CHST13: variants seen among roughly 807,000 people sequenced by gnomAD.
The protein encoded by CHST13 is carbohydrate sulfotransferase 13.
CHST13 carries 1 observed loss-of-function variant against 7.0 expected under a neutral mutation model. That is an observed-to-expected ratio of 0.14 (90% CI 0.05 to 0.68). CHST13 has a LOEUF of 0.68. CHST13 is among the 30% of genes least tolerant of loss of function. CHST13 has a pLI of 0.82. For missense variants in CHST13, 572 were observed against 507.9 expected (o/e 1.13, Z -1.21); for synonymous variants, 257 against 240.9 (o/e 1.07, Z -0.62).
At chr3:126,528,663 G>A (rs924186133) in intron 1 of CHST13, among the ~76,000 whole-genome samples, 17 of 152,180 alleles carry the variant, frequency 1.1e-4, no homozygotes, top group African/African-American at 4.1e-4. Context: ...GGAGGGTTCT[G>A]GAGGCACAGC....
At chr3:126,527,916 T>A (rs1055820586) in intron 1 of CHST13, 1 of 152,078 alleles carries the variant, frequency 6.6e-6, no homozygotes, top group East Asian at 1.9e-4. Context: ...GGAAGTTACT[T>A]GCTCAAGTCA....
intron 1 of CHST13, chr3:126,529,419 C>T (rs746059263): frequency 4.7e-5 from 61 of 1,287,076 alleles, no homozygotes; most frequent in Non-Finnish European, 6.1e-5. Flanking sequence ...AGGGGGCACC[C>T]AGAGGCAGGG....
chr3:126,536,186 A>G (rs1249989749), intron 1 of CHST13, 85 bp from the exon 2 acceptor site: 1 of 1,127,436 alleles, frequency 8.9e-7, no homozygotes, highest in Admixed American at 1.8e-5. Flanking sequence ...GGTGGGTCAA[A>G]TGTGCCTAGA....
intron 1 of CHST13, chr3:126,529,305 C>A: frequency 8.5e-6 from 11 of 1,288,996 alleles, no homozygotes; most frequent in Non-Finnish European, 1.1e-5. Flanking sequence ...TGGCCTTGAG[C>A]AGCTCTCTCT....
chr3:126,541,613 T>G (rs1194175838), intron 2 of CHST13, 120 bp from the exon 3 acceptor site: 1 of 940,002 alleles, frequency 1.1e-6, no homozygotes, highest in East Asian at 3.2e-5. Flanking sequence ...GGTTCGAATT[T>G]GGGTGCCCGG....
chr3:126,528,793 C>T (rs1936587001), intron 1 of CHST13, among the ~76,000 whole-genome samples: 2 of 152,158 alleles, frequency 1.3e-5, no homozygotes, highest in South Asian at 4.1e-4. Context: ...GTTCTCTCCC[C>T]TAAACAGAAT....
At position 126,542,721 on chromosome 3, in the gene CHST13, C is replaced by G. The variant is rs1277062517; in HGVS notation, c.*143C>G. On this transcript the variant is annotated 3_prime_UTR_variant, in exon 3 of 3. Coordinates refer to ENST00000319340, the MANE Select transcript of CHST13 (RefSeq NM_152889.3). ...GGCCGCCGGGCCAGCGGGCGCAGGG[C>G]ACACCTGGCCAGGCTTGGGGGCAGC... 8.0e-7 allele frequency: 1 copy of G among 1,250,040 alleles called. No individual in the cohort carries two copies. Among genetic ancestry groups the G allele is most frequent in the Non-Finnish European group, 1.0e-6 (1 of 970,506 alleles). The allele number at this position is 1,250,040 out of a possible 1,614,324, so 77.4% of individuals were successfully genotyped here.
rs137999322 is a variant in CHST13, at chr3:126,528,368, A to G, written c.97+3939A>G. On this transcript the variant is annotated intron_variant, in intron 1 of 2. Coordinates refer to ENST00000319340, the MANE Select transcript of CHST13 (RefSeq NM_152889.3). ...CTTCCATGTAGATCTGACCTTCCAG[A>G]GTGATCAACCTACACAGAACTCAAA... 3.7e-4 allele frequency among the ~76,000 whole-genome samples: 57 copies of G among 152,188 alleles called. No homozygotes were observed. In the East Asian group the frequency reaches 6.8e-3, roughly 18 times the overall value.
intron 2 of CHST13, among the ~76,000 whole-genome samples, chr3:126,538,297 T>C (rs961522915): frequency 1.3e-5 from 2 of 152,202 alleles, no homozygotes; most frequent in African/African-American, 2.4e-5. Context: ...CTCCTGACTA[T>C]AAGAGGACTG....
At chr3:126,529,881 G>A (rs1936615367) in intron 1 of CHST13, among the ~76,000 whole-genome samples, 1 of 152,234 alleles carries the variant, frequency 6.6e-6, no homozygotes, top group African/African-American at 2.4e-5. Context: ...GCCCTCCTGG[G>A]CTACACTGCC....
chr3:126,539,863 C>T, intron 2 of CHST13, among the ~76,000 whole-genome samples: 1 of 8,464 alleles, frequency 1.2e-4, no homozygotes, highest in East Asian at 3.6e-3. Context: ...ACACACACCC[C>T]ACACCACACA....
chr3:126,535,419 G>GCT (rs1936763476), intron 1 of CHST13, among the ~76,000 whole-genome samples: 1 of 140,960 alleles, frequency 7.1e-6, no homozygotes, highest in African/African-American at 2.8e-5. Context: ...GTCCTCAACC[G>GCT]GGAGACAGAC....
At position 126,542,312 on chromosome 3, in the gene CHST13, T is replaced by A; in HGVS notation, c.760T>A (p.Cys254Ser). 6.4e-7 allele frequency: 1 copy of A among 1,568,618 alleles called. No individual in the cohort carries two copies. Among genetic ancestry groups the A allele is most frequent in the Non-Finnish European group, 8.6e-7 (1 of 1,160,842 alleles). Reference sequence around the variant, plus strand: ...GCACTGGGAGCGCGCGCACGCGCTCTGCCACCCGTGTCGCCTCCGCTACGA... The same window carrying A: ...GCACTGGGAGCGCGCGCACGCGCTCAGCCACCCGTGTCGCCTCCGCTACGA... ...NEHWERAHAL[C>S]HPCRLRYDVV... Residue 254 changes from cysteine (C) to serine (S), a missense_variant, in exon 3 of 3, where the codon TGC (cysteine) becomes AGC (serine). Physicochemically the swap from Cys to Ser is moderately radical, Grantham distance 112. Coordinates refer to ENST00000319340, the MANE Select transcript of CHST13 (RefSeq NM_152889.3).
rs1576238008 is a variant in CHST13, at chr3:126,541,850, C to G, written c.298C>G (p.Leu100Val). ...LLQPEDLRHV[L>V]VDDAHGLLYC... ...ACAGCCGGAGGACCTGCGGCACGTGCTGGTGGACGACGCGCATGGCCTGCT... is the reference window on the plus strand; with the variant it reads ...ACAGCCGGAGGACCTGCGGCACGTGGTGGTGGACGACGCGCATGGCCTGCT... Residue 100 changes from leucine to valine, a missense_variant, in exon 3 of 3, where the codon CTG (leucine) becomes GTG (valine). Coordinates refer to ENST00000319340, the MANE Select transcript of CHST13 (RefSeq NM_152889.3). The G allele has an allele frequency of 1.3e-6, 2 of 1,584,994 alleles. No homozygotes were observed. The highest frequency in any genetic ancestry group is 2.3e-5 in the East Asian group (1 of 43,014).
At position 126,542,414 on chromosome 3, in the gene CHST13, TTCCCTGGGCCGCCGCG is replaced by T. The variant is rs1252072380; in HGVS notation, c.863_878del (p.Phe288CysfsTer132). ...CCTGGCGGGCGCATCCGACCTGAGC[TTCCCTGGGCCGCCGCG>T]GCCCCGGGGAGCCGCCGCCTCCCGC... On this transcript the variant is annotated frameshift_variant, in exon 3 of 3. Coordinates refer to ENST00000319340, the MANE Select transcript of CHST13 (RefSeq NM_152889.3). LOFTEE classifies it low-confidence loss of function (END_TRUNC). 1.3e-6 allele frequency: 2 copies of T among 1,552,000 alleles called. No homozygotes were observed. The highest frequency in any genetic ancestry group is 2.8e-5 in the African/African-American group (2 of 71,020).
At chr3:126,532,018 G>A (rs1428947736) in intron 1 of CHST13, among the ~76,000 whole-genome samples, 1 of 152,120 alleles carries the variant, frequency 6.6e-6, no homozygotes, top group African/African-American at 2.4e-5. Flanking sequence ...TTCACTAATG[G>A]CTAGTGATGT....
chr3:126,528,121 G>A (rs1006037259), intron 1 of CHST13, among the ~76,000 whole-genome samples: 2 of 151,584 alleles, frequency 1.3e-5, no homozygotes, highest in East Asian at 3.9e-4. Context: ...GGCCTGGGGT[G>A]TGAATGGATG....
intron 2 of CHST13, among the ~76,000 whole-genome samples, chr3:126,537,175 C>A (rs1164359587): frequency 6.6e-6 from 1 of 152,138 alleles, no homozygotes; most frequent in East Asian, 1.9e-4. Flanking sequence ...TGGGGGAGAG[C>A]AACTCCTCTC....
At position 126,536,896 on chromosome 3, in the gene CHST13, A is replaced by C. The variant is rs201898971; in HGVS notation, c.180+543A>C. ...TCTCTCTTTCTCACACACACACACA[A>C]ACACACACACACACACACACACACA... is the stretch of plus-strand genomic sequence containing the variant. On this transcript the variant is annotated intron_variant, in intron 2 of 2. Transcript: ENST00000319340. 1.4e-3 allele frequency among the ~76,000 whole-genome samples: 191 copies of C among 140,474 alleles called. 1 individual carries two copies. The highest frequency in any genetic ancestry group is 4.9e-3 in the South Asian group (20 of 4,070). The allele number at this position is 140,474 out of a possible 152,430, so 92.2% of individuals were successfully genotyped here.
Sources: allele counts gnomAD v4.1 joint callset (sites outside exome capture counted in the v4.1 genomes callset), GRCh38; gene constraint gnomAD v4.1.1; transcripts MANE v1.5; gene names NCBI Gene and HGNC (gene_info 2026-07-23, HGNC 2026-07-21).